The following MEGF11 variants were observed in gnomAD, a reference collection of about 807,000 sequenced individuals.
MEGF11 encodes multiple EGF like domains 11.
Under a neutral mutation model 146.6 loss-of-function variants are expected in MEGF11, and 126 were observed. The observed-to-expected ratio is 0.86, with a 90% CI of 0.74 to 1.00. The LOEUF (loss-of-function observed/expected upper bound fraction) is 1.00, where lower values mean the gene tolerates loss of function less well. Among genes scored for constraint, MEGF11 ranks in the 50% least tolerant of loss-of-function variants. The pLI, the probability that MEGF11 is intolerant of heterozygous loss-of-function variation, is 0.00. For synonymous variants in MEGF11, 532 were observed against 583.4 expected (o/e 0.91, Z 1.27); for missense variants, 1,509 against 1,521.2 (o/e 0.99, Z 0.13).
intron 5 of MEGF11, among the ~76,000 whole-genome samples, chr15:66,012,065 TA>T (rs11333434): frequency 0.63 from 93,172 of 148,018 alleles, 30,299 homozygotes; most frequent in Non-Finnish European, 0.74. Context: ...CCCCATCTCT[TA>T]AAAAAAAAAA....
At chr15:66,057,220 C>T (rs555147044) in intron 5 of MEGF11, among the ~76,000 whole-genome samples, 8 of 152,186 alleles carry the variant, frequency 5.3e-5, no homozygotes, top group African/African-American at 1.7e-4. Flanking sequence ...TGGAGGCTTT[C>T]GGTGAAGCAA....
chr15:65,917,256 C>G (rs564841835), intron 16 of MEGF11, among the ~76,000 whole-genome samples: 1 of 152,238 alleles, frequency 6.6e-6, no homozygotes, highest in South Asian at 2.1e-4. Context: ...TTGGAGCATG[C>G]GGGTAAACAC....
At chr15:66,189,671 T>A (rs1366902078) in intron 1 of MEGF11, among the ~76,000 whole-genome samples, 2 of 152,156 alleles carry the variant, frequency 1.3e-5, no homozygotes, top group Non-Finnish European at 2.9e-5. Flanking sequence ...GAAAGAAACC[T>A]CACCTCTCTG....
chr15:65,914,635 A>C (rs1052986962), intron 19 of MEGF11, among the ~76,000 whole-genome samples: 1 of 152,204 alleles, frequency 6.6e-6, no homozygotes, highest in African/African-American at 2.4e-5. Context: ...TGCCAGGCCC[A>C]CAGTGTCTAG....
At chr15:65,909,945 G>A (rs756827026) in intron 21 of MEGF11, 139 bp from the exon 22 acceptor site, 7 of 746,364 alleles carry the variant, frequency 9.4e-6, no homozygotes, top group South Asian at 5.9e-5. Flanking sequence ...GAGAAAGGGC[G>A]AGCTAGGTGT....
chr15:66,108,665 C>T (rs2087226119), intron 4 of MEGF11, among the ~76,000 whole-genome samples: 1 of 152,076 alleles, frequency 6.6e-6, no homozygotes, highest in Non-Finnish European at 1.5e-5. Flanking sequence ...CAGGAACTGC[C>T]AAGGCTTCCT....
At chr15:66,107,866 ATTCTGGGCCCTCAGGAGCTCATGGCCAG>A (rs2087173106) in intron 4 of MEGF11, among the ~76,000 whole-genome samples, 1 of 152,164 alleles carries the variant, frequency 6.6e-6, no homozygotes, top group South Asian at 2.1e-4. Context: ...GGGGTCCCAC[ATTCTGGGCCCTCAGGAGCTCATGGCCAG>A]TGAGAGAAAC....
chr15:65,976,223 T>C (rs146230779), intron 7 of MEGF11, among the ~76,000 whole-genome samples: 2,861 of 152,110 alleles, frequency 0.019, 73 homozygotes, highest in African/African-American at 0.065. Context: ...TTGTTTTTAG[T>C]AGAGACTGGG....
chr15:65,935,415 G>A (rs1299040465), intron 10 of MEGF11, among the ~76,000 whole-genome samples: 2 of 148,224 alleles, frequency 1.3e-5, no homozygotes, highest in Admixed American at 6.8e-5. Flanking sequence ...AGGGTGAGCA[G>A]TCTTGGGGCC....
At chr15:66,162,010 A>G (rs780987911) in intron 1 of MEGF11, among the ~76,000 whole-genome samples, 1 of 152,224 alleles carries the variant, frequency 6.6e-6, no homozygotes, top group Non-Finnish European at 1.5e-5. Flanking sequence ...AGAGGAGCCA[A>G]TCTAATATTT....
chr15:65,966,805 G>A (rs952355293), intron 8 of MEGF11, among the ~76,000 whole-genome samples: 1 of 152,026 alleles, frequency 6.6e-6, no homozygotes, highest in Admixed American at 6.6e-5. Context: ...GTGGGCGAGT[G>A]TGACCCCCCA....
At chr15:66,088,677 C>T (rs575679275) in intron 5 of MEGF11, among the ~76,000 whole-genome samples, 73 of 151,700 alleles carry the variant, frequency 4.8e-4, no homozygotes, top group African/African-American at 1.6e-3. Context: ...AAGGAAATTC[C>T]GACACATGCT....
intron 4 of MEGF11, among the ~76,000 whole-genome samples, chr15:66,108,075 C>T (rs977627564): frequency 6.6e-6 from 1 of 152,118 alleles, no homozygotes; most frequent in Non-Finnish European, 1.5e-5. Context: ...TTCAAGGAGG[C>T]GAGGGCAGCC....
chr15:66,040,397 T>A (rs2083920265), intron 5 of MEGF11: 1 of 153,776 alleles, frequency 6.5e-6, no homozygotes, highest in Admixed American at 6.5e-5. Context: ...GTCAGCACAC[T>A]AAAACAATTC....
intron 5 of MEGF11, among the ~76,000 whole-genome samples, chr15:65,987,967 C>T (rs1202403926): frequency 7.3e-5 from 11 of 150,310 alleles, no homozygotes; most frequent in Non-Finnish European, 1.5e-4. Context: ...CCTTGGCCTC[C>T]CAAAGTGTTG....
chr15:66,141,285 TGTGTGA>T (rs1308980707), intron 1 of MEGF11, among the ~76,000 whole-genome samples: 160 of 86,728 alleles, frequency 1.8e-3, no homozygotes, highest in African/African-American at 5.6e-3. Flanking sequence ...TGTGTGTGTG[TGTGTGA>T]GAGAGAGAGA....
chr15:66,122,500 A>AT (rs2088082676), intron 3 of MEGF11, among the ~76,000 whole-genome samples: 1 of 152,222 alleles, frequency 6.6e-6, no homozygotes, highest in Non-Finnish European at 1.5e-5. Flanking sequence ...TTATCCTCAA[A>AT]GAGGAACTGG....
chr15:66,070,745 AATG>A (rs1213641205), intron 5 of MEGF11, among the ~76,000 whole-genome samples: 3 of 152,126 alleles, frequency 2.0e-5, no homozygotes, highest in African/African-American at 7.2e-5. Flanking sequence ...TCATCTGTGG[AATG>A]GGAATAACTT....
intron 1 of MEGF11, among the ~76,000 whole-genome samples, chr15:66,160,056 T>C (rs891658198): frequency 6.6e-6 from 1 of 152,140 alleles, no homozygotes; most frequent in Non-Finnish European, 1.5e-5. Flanking sequence ...GTCCATGTGA[T>C]AGATGGAGAC....
Sources: allele counts gnomAD v4.1 joint callset (sites outside exome capture counted in the v4.1 genomes callset), GRCh38; gene constraint gnomAD v4.1.1; transcripts MANE v1.5; gene names NCBI Gene and HGNC (gene_info 2026-07-23, HGNC 2026-07-21).